Variants in FBXL3 observed in about 807,000 individuals in gnomAD.
FBXL3 encodes the protein F-box/LRR-repeat protein 3.
Under a neutral mutation model 37.9 loss-of-function variants are expected in FBXL3, and 14 were observed. The observed-to-expected ratio is 0.37, with a 90% CI of 0.24 to 0.58. The LOEUF (loss-of-function observed/expected upper bound fraction) is 0.58, where lower values mean the gene tolerates loss of function less well. Among genes scored for constraint, FBXL3 ranks in the 20% least tolerant of loss-of-function variants. FBXL3 has a pLI of 0.74. For synonymous variants in FBXL3, 194 were observed against 180.1 expected (o/e 1.08, Z -0.62); for missense variants, 327 against 511.1 (o/e 0.64, Z 3.47).
chr13:77,021,057 A>G (rs980339517), intron 2 of FBXL3, among the ~76,000 whole-genome samples: 3 of 152,176 alleles, frequency 2.0e-5, no homozygotes, highest in African/African-American at 7.2e-5. Context: ...TCTAAAATAT[A>G]TTCATCTAAA....
At chr13:77,016,070 T>G (rs997941480) in intron 3 of FBXL3, 2 of 152,334 alleles carry the variant, frequency 1.3e-5, no homozygotes, top group African/African-American at 2.4e-5. Context: ...CATAGAAAAT[T>G]TGATTATAAA....
rs1225257572 is a variant in FBXL3 at position 77,027,123 on chromosome 13, G to C, written c.-298C>G. 6.6e-6 allele frequency: 1 copy of C among 151,364 alleles called. No individual in the cohort carries two copies. The highest frequency in any genetic ancestry group is 6.6e-5 in the Admixed American group (1 of 15,096). 9.4% of individuals were successfully genotyped at this position (151,364 alleles called of 1,614,324 possible). Reference sequence around the variant, plus strand: ...TACCTCAGCGAGCGGCTGCCACCGCGTAAGCTTCCTGCACCTGGGCCACAA... The same window carrying C: ...TACCTCAGCGAGCGGCTGCCACCGCCTAAGCTTCCTGCACCTGGGCCACAA... On this transcript the variant is annotated 5_prime_UTR_variant, in exon 1 of 5. Coordinates refer to ENST00000355619, the MANE Select transcript of FBXL3 (RefSeq NM_012158.4).
chr13:77,005,289 A>T lies in FBXL3; in HGVS notation c.*1856T>A, dbSNP rs2034430923. On this transcript the variant is annotated 3_prime_UTR_variant, in exon 5 of 5. Transcript: ENST00000355619. The stretch of plus-strand genomic sequence containing the variant: ...TTAGTAACTTTTTATTCTCAAAGTG[A>T]TAAAAGCATTTAACATATACTTTAC... 1 of 152,750 alleles carries T rather than the reference A, an allele frequency of 6.5e-6. No homozygotes were observed. The highest frequency in any genetic ancestry group is 2.1e-4 in the South Asian group (1 of 4,834). The allele number at this position is 152,750 out of a possible 1,614,324, so 9.5% of individuals were successfully genotyped here.
In FBXL3 at chr13:77,007,169, A is replaced by G. The variant is rs1421257397; in HGVS notation, c.1263T>C (p.Phe421=). The stretch of plus-strand genomic sequence containing the variant: ...TTTACCAAGTGGGCATCATGTCGGG[A>G]AACCACACCCTACCAAGATGCTTGG... The part of the protein sequence containing the change: ...EVSKHLGRVW[F]PDMMPTW Residue 421 remains phenylalanine (F), a synonymous_variant, in exon 5 of 5, where the codon TTT becomes TTC. Coordinates refer to ENST00000355619, the MANE Select transcript of FBXL3 (RefSeq NM_012158.4). The G allele has an allele frequency of 1.9e-6, 3 of 1,605,974 alleles. No individual in the cohort carries two copies. Among genetic ancestry groups the G allele is most frequent in the African/African-American group, 2.7e-5 (2 of 74,792 alleles).
intron 4 of FBXL3, among the ~76,000 whole-genome samples, chr13:77,008,155 C>T (rs1332152961): frequency 6.6e-6 from 1 of 152,066 alleles, no homozygotes; most frequent in Admixed American, 6.5e-5. Context: ...ATTACAGGAC[C>T]ACTGTGACGG....
At chr13:77,016,714 T>C (rs139193464) in intron 3 of FBXL3, 2 of 152,170 alleles carry the variant, frequency 1.3e-5, no homozygotes, top group African/African-American at 4.8e-5. Context: ...TTTTTTTTTG[T>C]AGAGATGGGT....
chr13:77,024,556 T>A (rs1026456614), intron 1 of FBXL3, among the ~76,000 whole-genome samples: 1 of 152,224 alleles, frequency 6.6e-6, no homozygotes, highest in African/African-American at 2.4e-5. Context: ...CTTATTCACA[T>A]AATAGTCTTT....
intron 1 of FBXL3, among the ~76,000 whole-genome samples, chr13:77,023,474 T>G (rs1465900928): frequency 6.6e-6 from 1 of 151,884 alleles, no homozygotes; most frequent in African/African-American, 2.4e-5. Flanking sequence ...AGATTACAGG[T>G]AATTTTTTTT....
Position 77,021,508 on chromosome 13 carries a change from A to T in FBXL3, c.348+5T>A, listed in dbSNP as rs1217707347. On this transcript the variant is annotated splice_donor_5th_base_variant and intron_variant, in intron 2 of 4. Transcript: ENST00000355619. The stretch of plus-strand genomic sequence containing the variant: ...ATTTTTTAAAAGAAGGATTTAAAAT[A>T]TTACCTTGAAGCTGACATATTGTAG... 6 of 1,587,918 alleles carry T rather than the reference A, an allele frequency of 3.8e-6. No homozygotes were observed. The highest frequency in any genetic ancestry group is 1.1e-5 in the South Asian group (1 of 88,446).
intron 2 of FBXL3, 34 bp downstream of exon 2, chr13:77,021,479 C>A: frequency 6.7e-7 from 1 of 1,503,710 alleles, no homozygotes; most frequent in Non-Finnish European, 9.1e-7. Flanking sequence ...ACTAAAAATA[C>A]TTTATTTTTT....
chr13:77,024,142 GA>G (rs2034797328), intron 1 of FBXL3, among the ~76,000 whole-genome samples: 1 of 152,152 alleles, frequency 6.6e-6, no homozygotes, highest in South Asian at 2.1e-4. Flanking sequence ...TAAGTTTAGA[GA>G]AAAGTGTATA....
Position 77,007,219 on chromosome 13 carries a change from A to C in FBXL3, c.1213T>G (p.Leu405Val), listed in dbSNP as rs1235087092. The C allele has an allele frequency of 6.2e-7, 1 of 1,614,026 alleles. No homozygotes were observed. The highest frequency in any genetic ancestry group is 1.7e-5 in the Admixed American group (1 of 60,012). Residue 405 changes from leucine to valine, a missense_variant, in exon 5 of 5, where the codon TTG becomes GTG. Leu to Val is a conservative substitution (Grantham distance 32). Coordinates refer to ENST00000355619, the MANE Select transcript of FBXL3 (RefSeq NM_012158.4). ...GACACTTCCCAGTGAATCTGCTCCAAACTATACTTTTGGTCAGGAATTAGT... is the reference window on the plus strand; with the variant it reads ...GACACTTCCCAGTGAATCTGCTCCACACTATACTTTTGGTCAGGAATTAGT... ...EVLIPDQKYSLEQIHWEVSKH... is the reference protein window; with the variant it reads ...EVLIPDQKYSVEQIHWEVSKH...
At position 77,005,288 on chromosome 13, in the gene FBXL3, G is replaced by GT. The variant is rs2034430878; in HGVS notation, c.*1856_*1857insA. On this transcript the variant is annotated 3_prime_UTR_variant, in exon 5 of 5. Transcript: ENST00000355619. ...ATTAGTAACTTTTTATTCTCAAAGT[G>GT]ATAAAAGCATTTAACATATACTTTA... The GT allele has an allele frequency of 6.6e-6, 1 of 152,596 alleles. No individual in the cohort carries two copies. The highest frequency in any genetic ancestry group is 2.1e-4 in the South Asian group (1 of 4,826). 9.5% of individuals were successfully genotyped at this position (152,596 alleles called of 1,614,324 possible).
Position 77,027,094 on chromosome 13 carries a change from A to T in FBXL3, c.-269T>A, listed in dbSNP as rs1198991618. The T allele has an allele frequency of 1.3e-5, 2 of 151,938 alleles. No homozygotes were observed. The highest frequency in any genetic ancestry group is 2.9e-5 in the Non-Finnish European group (2 of 67,992). The allele number at this position is 151,938 out of a possible 1,614,324, so 9.4% of individuals were successfully genotyped here. A position where few individuals can be genotyped will look rare whatever the true frequency, so the allele number is the denominator to read the frequency against. ...GTTCAGGGATCCCCGGCGCCGCGAG[A>T]GACTACCTCAGCGAGCGGCTGCCAC... On this transcript the variant is annotated 5_prime_UTR_variant, in exon 1 of 5. Transcript: ENST00000355619.
intron 3 of FBXL3, 109 bp downstream of exon 3, chr13:77,018,491 T>G: frequency 1.3e-6 from 1 of 745,294 alleles, no homozygotes; most frequent in Non-Finnish European, 1.9e-6. Flanking sequence ...GGTTTTCCAT[T>G]ATGTATATAT....
intron 4 of FBXL3, among the ~76,000 whole-genome samples, chr13:77,011,201 G>A (rs879829953): frequency 1.6e-4 from 25 of 152,042 alleles, no homozygotes; most frequent in Non-Finnish European, 2.9e-4. Flanking sequence ...TTAGCCGGAT[G>A]TGGTGGCGGG....
intron 4 of FBXL3, among the ~76,000 whole-genome samples, chr13:77,011,954 A>T (rs957482059): frequency 1.2e-4 from 18 of 152,184 alleles, no homozygotes; most frequent in African/African-American, 3.9e-4. Flanking sequence ...AAATTAAACC[A>T]TATGTCCGCA....
intron 4 of FBXL3, among the ~76,000 whole-genome samples, chr13:77,011,520 G>C (rs1415746628): frequency 1.3e-5 from 2 of 151,904 alleles, no homozygotes; most frequent in Non-Finnish European, 1.5e-5. Flanking sequence ...CCATGAGTTC[G>C]AGACTAGCCT....
chr13:77,026,379 C>A, intron 1 of FBXL3: 1 of 985,368 alleles, frequency 1.0e-6, no homozygotes, highest in South Asian at 4.7e-5. Context: ...TCTCATGCGC[C>A]CCACCCTGGG....
Sources: gnomAD v4.1 joint callset for allele counts (sites outside exome capture counted in the v4.1 genomes callset) on GRCh38, gnomAD v4.1.1 for gene constraint, MANE v1.5 for transcripts, NCBI Gene and HGNC (gene_info 2026-07-23, HGNC 2026-07-21) for gene names.